Variants in ARHGEF26 observed in about 807,000 individuals in gnomAD.
ARHGEF26 encodes the protein Rho guanine nucleotide exchange factor (GEF) 26.
In ARHGEF26, 59 loss-of-function variants were observed where a neutral mutation model predicts 89.4. The observed-to-expected ratio is 0.66, with a 90% CI of 0.54 to 0.82. The LOEUF (loss-of-function observed/expected upper bound fraction) is 0.82, where lower values mean the gene tolerates loss of function less well. Among genes scored for constraint, ARHGEF26 ranks in the 40% least tolerant of loss-of-function variants. The probability of loss-of-function intolerance (pLI) is 0.00; values close to 1 mark genes in which losing one functional copy is unlikely to be tolerated. For synonymous variants in ARHGEF26, 500 were observed against 428.4 expected, an observed-to-expected ratio of 1.17 and a Z score of -2.06; for missense variants, 1,234 against 1,085.6, an observed-to-expected ratio of 1.14 and a Z score of -1.92.
chr3:154,141,951 A>C (rs1240087504), intron 4 of ARHGEF26, among the ~76,000 whole-genome samples: 4 of 152,234 alleles, frequency 2.6e-5, no homozygotes, highest in Non-Finnish European at 5.9e-5. Context: ...TGAATGAGGC[A>C]AACAAAACAA....
chr3:154,227,773 TTCTG>T (rs1341584654), intron 11 of ARHGEF26, among the ~76,000 whole-genome samples: 10 of 152,224 alleles, frequency 6.6e-5, no homozygotes, highest in Non-Finnish European at 1.3e-4. Flanking sequence ...GAAATATTTG[TTCTG>T]TCTCAGTAGA....
intron 4 of ARHGEF26, among the ~76,000 whole-genome samples, chr3:154,132,633 T>C (rs1718749768): frequency 6.6e-6 from 1 of 152,146 alleles, no homozygotes; most frequent in South Asian, 2.1e-4. Context: ...TATTTCTCTA[T>C]CTGACCCCTC....
intron 5 of ARHGEF26, among the ~76,000 whole-genome samples, chr3:154,151,996 G>T (rs890822732): frequency 6.6e-6 from 1 of 152,116 alleles, no homozygotes; most frequent in African/African-American, 2.4e-5. Context: ...AATTCCTTAC[G>T]CAGGGCATTG....
Position 154,234,979 on chromosome 3 carries a change from G to A in ARHGEF26, c.2091-5391G>A, listed in dbSNP as rs546406508. 3.3e-5 allele frequency among the ~76,000 whole-genome samples: 5 copies of A among 152,060 alleles called. No homozygotes were observed. In the East Asian group the frequency reaches 9.7e-4, roughly 29 times the overall value. On this transcript the variant is annotated intron_variant, in intron 11 of 14. Transcript: ENST00000465093. ...GGGTTTCACCGTGTTATCCAGGATG[G>A]TCTCGATCTCCTGACCTTGTGATCC...
At chr3:154,138,684 A>G (rs528232931) in intron 4 of ARHGEF26, among the ~76,000 whole-genome samples, 96 of 152,326 alleles carry the variant, frequency 6.3e-4, no homozygotes, top group Non-Finnish European at 1.0e-3. Context: ...ACAAAGGCAG[A>G]TGTTTCAACT....
rs1718434750 is a variant in ARHGEF26 at position 154,255,371 on chromosome 3, C to T, written c.2514C>T (p.Gly838=). Residue 838 remains glycine (G), a synonymous_variant, in exon 15 of 15, where the codon GGC becomes GGT. Transcript: ENST00000465093. ...AACGACTACGAGATGGAGAAAGAGG[C>T]TGGTTTCCTATGGAATGTGCCAAGG... is the stretch of plus-strand genomic sequence containing the variant. The part of the protein sequence containing the change: ...EGERLRDGER[G]WFPMECAKEI... The T allele has an allele frequency of 6.2e-7, 1 of 1,613,572 alleles. No homozygotes were observed. The highest frequency in any genetic ancestry group is 8.5e-7 in the Non-Finnish European group (1 of 1,179,824).
intron 6 of ARHGEF26, among the ~76,000 whole-genome samples, chr3:154,177,042 G>A (rs1436240091): frequency 6.6e-6 from 1 of 152,144 alleles, no homozygotes; most frequent in African/African-American, 2.4e-5. Context: ...CAAAGCCAGG[G>A]TAGAGAAATA....
intron 9 of ARHGEF26, among the ~76,000 whole-genome samples, chr3:154,196,401 A>G (rs968548652): frequency 2.6e-5 from 4 of 152,204 alleles, no homozygotes; most frequent in Non-Finnish European, 4.4e-5. Flanking sequence ...TAATGGTAGC[A>G]TCAGAAGCTT....
In ARHGEF26 at chr3:154,255,560, T is replaced by C; in HGVS notation, c.*87T>C. 1 of 1,504,950 alleles carries C rather than the reference T, an allele frequency of 6.6e-7. No homozygotes were observed. Among genetic ancestry groups the C allele is most frequent in the Non-Finnish European group, 8.8e-7 (1 of 1,130,904 alleles). 93.2% of individuals were successfully genotyped at this position (1,504,950 alleles called of 1,614,324 possible). A position where few individuals can be genotyped will look rare whatever the true frequency, so the allele number is the denominator to read the frequency against. On this transcript the variant is annotated 3_prime_UTR_variant, in exon 15 of 15. Transcript: ENST00000465093. ...TGGGCTAGTTTTATTGTTAATTTTG[T>C]CACAGCCTATTTAATTAAAAGAACG...
chr3:154,218,712 G>T (rs1269909137), intron 10 of ARHGEF26, among the ~76,000 whole-genome samples: 1 of 152,170 alleles, frequency 6.6e-6, no homozygotes, highest in African/African-American at 2.4e-5. Context: ...GCATTTCATG[G>T]TATTCTGTAA....
intron 5 of ARHGEF26, among the ~76,000 whole-genome samples, chr3:154,152,053 T>C (rs899627922): frequency 6.6e-6 from 1 of 152,200 alleles, no homozygotes; most frequent in Non-Finnish European, 1.5e-5. Flanking sequence ...TTAACAGTTA[T>C]CAGGAAAACC....
At chr3:154,225,792 A>C in intron 10 of ARHGEF26, 64 bp from the exon 11 acceptor site, 1 of 1,511,706 alleles carries the variant, frequency 6.6e-7, no homozygotes, top group South Asian at 1.3e-5. Flanking sequence ...TTTAGCTTTT[A>C]CTTTCAGTAA....
At chr3:154,223,501 A>C (rs994999849) in intron 10 of ARHGEF26, among the ~76,000 whole-genome samples, 3 of 152,230 alleles carry the variant, frequency 2.0e-5, no homozygotes, top group Non-Finnish European at 4.4e-5. Context: ...ATATAGTAAA[A>C]TATTTAGGCA....
chr3:154,232,906 C>G (rs1277924576), intron 11 of ARHGEF26, among the ~76,000 whole-genome samples: 3 of 151,816 alleles, frequency 2.0e-5, no homozygotes, highest in Non-Finnish European at 4.4e-5. Flanking sequence ...CGGCTCACTG[C>G]AACCTCCAAC....
intron 11 of ARHGEF26, among the ~76,000 whole-genome samples, chr3:154,232,568 T>G (rs760354349): frequency 2.0e-5 from 3 of 152,136 alleles, no homozygotes; most frequent in Non-Finnish European, 4.4e-5. Context: ...AACATATAAT[T>G]ATCAGGCTTT....
chr3:154,137,969 A>G (rs896776577), intron 4 of ARHGEF26, among the ~76,000 whole-genome samples: 4 of 152,190 alleles, frequency 2.6e-5, no homozygotes, highest in Non-Finnish European at 1.5e-5. Flanking sequence ...AAATCCACAT[A>G]TATACATTTA....
intron 9 of ARHGEF26, among the ~76,000 whole-genome samples, chr3:154,199,729 A>T (rs1238248857): frequency 6.6e-6 from 1 of 152,076 alleles, no homozygotes; most frequent in Non-Finnish European, 1.5e-5. Context: ...AGCATTTGTT[A>T]TTGCCTGTCT....
At chr3:154,124,285 C>A (rs1019372492) in intron 2 of ARHGEF26, 125 bp from the exon 3 acceptor site, 1 of 672,574 alleles carries the variant, frequency 1.5e-6, no homozygotes, top group Non-Finnish European at 2.5e-6. Flanking sequence ...TCTTGGAAAT[C>A]TAATTAATGT....
At chr3:154,245,028 TTTTTA>T (rs1717714318) in intron 12 of ARHGEF26, among the ~76,000 whole-genome samples, 1 of 152,104 alleles carries the variant, frequency 6.6e-6, no homozygotes, top group African/African-American at 2.4e-5. Flanking sequence ...ACTTTATTAT[TTTTTA>T]TTTTATTTTA....
Sources: allele counts gnomAD v4.1 joint callset (sites outside exome capture counted in the v4.1 genomes callset), GRCh38; gene constraint gnomAD v4.1.1; transcripts MANE v1.5; gene names NCBI Gene and HGNC (gene_info 2026-07-23, HGNC 2026-07-21).